IL17RD: variants seen among roughly 807,000 people sequenced by gnomAD.
The protein encoded by IL17RD is interleukin-17 receptor D.
A neutral mutation model predicts 80.5 loss-of-function variants in IL17RD; 52 were observed. The observed-to-expected ratio is 0.65, with a 90% CI of 0.52 to 0.81. The LOEUF (loss-of-function observed/expected upper bound fraction) is 0.81. Ranked by LOEUF, IL17RD falls within the 40% of genes least tolerant of loss-of-function variation. IL17RD has a pLI of 0.00. For missense variants in IL17RD, 1,024 were observed against 955.1 expected (o/e 1.07, Z -0.95); for synonymous variants, 416 against 391.8 (o/e 1.06, Z -0.73).
At chr3:57,105,776 A>C in intron 7 of IL17RD, 81 bp downstream of exon 7, 1 of 1,242,410 alleles carries the variant, frequency 8.0e-7, no homozygotes, top group South Asian at 1.4e-5. Flanking sequence ...CCTAATGCTC[A>C]CATTGAGCAA....
intron 1 of IL17RD, among the ~76,000 whole-genome samples, chr3:57,136,639 CTCAAA>C (rs2107521903): frequency 2.4e-5 from 2 of 81,874 alleles, no homozygotes; most frequent in East Asian, 8.3e-4. Flanking sequence ...CCAACCCCCA[CTCAAA>C]AAAAAAAAAA....
At chr3:57,107,286 G>A (rs565262765) in intron 5 of IL17RD, among the ~76,000 whole-genome samples, 2 of 152,150 alleles carry the variant, frequency 1.3e-5, no homozygotes, top group East Asian at 3.9e-4. Flanking sequence ...GGCTGAGTCA[G>A]GAGAATGGCG....
chr3:57,098,591 G>C (rs1231396914), intron 11 of IL17RD, 53 bp from the exon 12 acceptor site: 1 of 1,207,954 alleles, frequency 8.3e-7, no homozygotes, highest in Non-Finnish European at 1.2e-6. Flanking sequence ...GAAGAGGCTC[G>C]GGAAGTGAGT....
At chr3:57,160,028 T>G (rs529198944) in intron 1 of IL17RD, among the ~76,000 whole-genome samples, 5 of 151,982 alleles carry the variant, frequency 3.3e-5, no homozygotes, top group Admixed American at 6.6e-5. Flanking sequence ...AAAAATTAGC[T>G]GGGTGTGGTG....
intron 3 of IL17RD, among the ~76,000 whole-genome samples, chr3:57,113,395 AC>A (rs1197241047): frequency 2.0e-5 from 3 of 151,970 alleles, no homozygotes; most frequent in African/African-American, 7.3e-5. Flanking sequence ...GCGACACCAC[AC>A]CCAGCTGATT....
chr3:57,136,625 GC>G (rs1473467601), intron 1 of IL17RD, among the ~76,000 whole-genome samples: 2 of 56,702 alleles, frequency 3.5e-5, no homozygotes, highest in African/African-American at 1.4e-4. Flanking sequence ...CCCCTCCCCC[GC>G]CCCCAACCCC....
chr3:57,160,017 C>T (rs1057004897), intron 1 of IL17RD, among the ~76,000 whole-genome samples: 51 of 152,204 alleles, frequency 3.4e-4, no homozygotes, highest in African/African-American at 1.2e-3. Context: ...ACTAAAAATA[C>T]AAAAATTAGC....
chr3:57,127,287 T>TATAA lies in IL17RD; in HGVS notation c.127-6975_127-6974insTTAT, dbSNP rs1559476925. On this transcript the variant is annotated intron_variant, in intron 1 of 12. Coordinates refer to ENST00000296318, the MANE Select transcript of IL17RD (RefSeq NM_017563.5). ...AAATATATATAAAAATATATATAAA[T>TATAA]ATATATAAATATATATAAAAATATA... 1.3e-4 allele frequency among the ~76,000 whole-genome samples: 10 copies of TATAA among 79,116 alleles called. 1 individual carries two copies. Among genetic ancestry groups the TATAA allele is most frequent in the East Asian group, 4.7e-4 (1 of 2,136 alleles). The allele number at this position is 79,116 out of a possible 152,430, so 51.9% of individuals were successfully genotyped here.
At chr3:57,162,594 G>A (rs867340218) in intron 1 of IL17RD, among the ~76,000 whole-genome samples, 4 of 152,160 alleles carry the variant, frequency 2.6e-5, no homozygotes, top group South Asian at 2.1e-4. Flanking sequence ...TGCTAGGGCC[G>A]AGAAAGGAAG....
At chr3:57,139,802 C>T (rs1707796468) in intron 1 of IL17RD, among the ~76,000 whole-genome samples, 1 of 152,172 alleles carries the variant, frequency 6.6e-6, no homozygotes, top group Non-Finnish European at 1.5e-5. Context: ...CAGGTGTGAG[C>T]CACCTCGCCT....
In IL17RD at chr3:57,163,230, G is replaced by C. The variant is rs1358624673; in HGVS notation, c.126+1931C>G. On this transcript the variant is annotated intron_variant, in intron 1 of 12. Coordinates refer to ENST00000296318, the MANE Select transcript of IL17RD (RefSeq NM_017563.5). Reference sequence around the variant, plus strand: ...CTACGATCGTCCAGGAGGCGAATGAGGATGACCCAAGGAAACGATTGGTGG... The same window carrying C: ...CTACGATCGTCCAGGAGGCGAATGACGATGACCCAAGGAAACGATTGGTGG... Among the ~76,000 whole-genome samples the C allele has an allele frequency of 4.6e-5, 7 of 152,296 alleles. No individual in the cohort carries two copies. In the South Asian group the frequency reaches 1.5e-3, roughly 32 times the overall value.
chr3:57,138,180 G>A (rs546921725), intron 1 of IL17RD, among the ~76,000 whole-genome samples: 16 of 152,290 alleles, frequency 1.1e-4, no homozygotes, highest in African/African-American at 3.4e-4. Flanking sequence ...GTGGATGGTG[G>A]TGATGGTTGC....
rs140546614 is a variant in IL17RD at position 57,130,670 on chromosome 3, G to A, written c.127-10357C>T. On this transcript the variant is annotated intron_variant, in intron 1 of 12. Coordinates refer to ENST00000296318, the MANE Select transcript of IL17RD (RefSeq NM_017563.5). ...ACAGGAGTAAAGCCTCCTGTTTCAC[G>A]GCCCTGCCCGGCCCAGGGGTGACAC... Among the ~76,000 whole-genome samples, 586 of 152,238 alleles carry A rather than the reference G, an allele frequency of 3.8e-3. 1 individual carries two copies. Among genetic ancestry groups the A allele is most frequent in the Middle Eastern group, 6.8e-3 (2 of 294 alleles).
Position 57,097,686 on chromosome 3 carries a change from C to T in IL17RD, c.2017G>A (p.Glu673Lys), listed in dbSNP as rs769056741. The T allele has an allele frequency of 1.4e-5, 23 of 1,605,472 alleles. No homozygotes were observed. The highest frequency in any genetic ancestry group is 1.6e-4 in the Middle Eastern group (1 of 6,066). Residue 673 changes from glutamate to lysine, a missense_variant, in exon 12 of 13, where the codon GAG (glutamate) becomes AAG (lysine). Physicochemically the swap from Glu to Lys is moderately conservative, Grantham distance 56 (BLOSUM62 1). Coordinates refer to ENST00000296318, the MANE Select transcript of IL17RD (RefSeq NM_017563.5). ...GIYDSSVPSS[E>K]LSLPLMEGLS... The stretch of plus-strand genomic sequence containing the variant: ...CCTTCCATCAGTGGCAGAGACAGCT[C>T]GGATGAGGGCACAGACGAGTCATAG...
intron 1 of IL17RD, among the ~76,000 whole-genome samples, chr3:57,141,166 T>C (rs1401884017): frequency 6.6e-6 from 1 of 152,178 alleles, no homozygotes; most frequent in African/African-American, 2.4e-5. Context: ...CCTCCCAATG[T>C]GTCGGGATTA....
intron 1 of IL17RD, among the ~76,000 whole-genome samples, chr3:57,122,509 T>C (rs953956488): frequency 1.3e-5 from 2 of 152,170 alleles, no homozygotes; most frequent in South Asian, 2.1e-4. Flanking sequence ...TGGATTCTTA[T>C]AGGAGCACAA....
At chr3:57,142,389 G>C (rs934466689) in intron 1 of IL17RD, 8 of 580,058 alleles carry the variant, frequency 1.4e-5, no homozygotes, top group Non-Finnish European at 2.3e-5. Flanking sequence ...AGAAACAAAG[G>C]GTAGGAGAGA....
In IL17RD at chr3:57,120,255, C is replaced by G; in HGVS notation, c.184+1G>C. 1 of 1,609,850 alleles carries G rather than the reference C, an allele frequency of 6.2e-7. No homozygotes were observed. The highest frequency in any genetic ancestry group is 8.5e-7 in the Non-Finnish European group (1 of 1,176,118). The stretch of plus-strand genomic sequence containing the variant: ...CTTCAGCAATAAAGGCGGTTACTTA[C>G]TGTCATATTTGAAGGTGATGTTGTA... On this transcript the variant is annotated splice_donor_variant, in intron 2 of 12. Transcript: ENST00000296318. LOFTEE classifies it high-confidence loss of function.
intron 1 of IL17RD, chr3:57,142,594 C>T (rs1308143711): frequency 3.6e-5 from 30 of 841,270 alleles, no homozygotes; most frequent in South Asian, 2.2e-4. Context: ...GTGTTGGTGT[C>T]GCCAACCTGA....
Sources: gnomAD v4.1 joint callset for allele counts (sites outside exome capture counted in the v4.1 genomes callset) on GRCh38, gnomAD v4.1.1 for gene constraint, MANE v1.5 for transcripts, NCBI Gene and HGNC (gene_info 2026-07-23, HGNC 2026-07-21) for gene names.